Variants in FOXK2 observed in about 807,000 individuals in gnomAD.
The protein encoded by FOXK2 is forkhead box protein K2.
A neutral mutation model predicts 53.3 loss-of-function variants in FOXK2; 24 were observed. The observed-to-expected ratio is 0.45, with a 90% CI of 0.33 to 0.63. The LOEUF (loss-of-function observed/expected upper bound fraction) is 0.63, where lower values mean the gene tolerates loss of function less well. Among genes scored for constraint, FOXK2 ranks in the 30% least tolerant of loss-of-function variants. The pLI is 0.03. For missense variants in FOXK2, 952 were observed against 910.5 expected (o/e 1.05, Z -0.59); for synonymous variants, 505 against 407.1 (o/e 1.24, Z -2.89).
At chr17:82,544,486 T>G (rs72861057) in intron 1 of FOXK2, among the ~76,000 whole-genome samples, 2 of 152,068 alleles carry the variant, frequency 1.3e-5, no homozygotes, top group South Asian at 4.1e-4. Flanking sequence ...CAGAGCAGAC[T>G]GGATTTTACA....
chr17:82,588,312 T>A (rs2045215690), intron 8 of FOXK2: 1 of 153,412 alleles, frequency 6.5e-6, no homozygotes, highest in Non-Finnish European at 1.5e-5. Flanking sequence ...TCTCTCTGGG[T>A]AACTGTGGCT....
intron 6 of FOXK2, among the ~76,000 whole-genome samples, 200 bp downstream of exon 6, chr17:82,584,388 A>C (rs1009167379): frequency 6.6e-6 from 1 of 151,984 alleles, no homozygotes; most frequent in Admixed American, 6.6e-5. Flanking sequence ...TTTAAACGAC[A>C]CTGAGTAGAT....
chr17:82,584,720 A>G (rs59239557), intron 6 of FOXK2, among the ~76,000 whole-genome samples: 20,091 of 151,840 alleles, frequency 0.13, 1,494 homozygotes, highest in South Asian at 0.2. Context: ...TAATTTTTGT[A>G]TTTTTAGTAG....
chr17:82,563,027 G>A (rs1237774498), intron 1 of FOXK2, among the ~76,000 whole-genome samples: 1 of 151,984 alleles, frequency 6.6e-6, no homozygotes, highest in East Asian at 1.9e-4. Context: ...GGCTGGTCTT[G>A]ACCTCCTGGA....
intron 1 of FOXK2, among the ~76,000 whole-genome samples, chr17:82,530,776 T>C (rs1290567982): frequency 6.6e-6 from 1 of 152,176 alleles, no homozygotes; most frequent in Non-Finnish European, 1.5e-5. Context: ...TCCCAAAGTG[T>C]TGGGATCACA....
intron 1 of FOXK2, among the ~76,000 whole-genome samples, chr17:82,540,112 C>T (rs2044560200): frequency 6.6e-6 from 1 of 152,102 alleles, no homozygotes; most frequent in Admixed American, 6.6e-5. Flanking sequence ...GAAAACCTGT[C>T]TCTACTAAAA....
intron 8 of FOXK2, among the ~76,000 whole-genome samples, chr17:82,597,567 C>T (rs1179999431): frequency 6.6e-6 from 1 of 152,244 alleles, no homozygotes; most frequent in Non-Finnish European, 1.5e-5. Flanking sequence ...CATGTGGGGT[C>T]TCCACGTGGC....
chr17:82,567,073 G>A (rs937472020), intron 2 of FOXK2, among the ~76,000 whole-genome samples: 1 of 152,060 alleles, frequency 6.6e-6, no homozygotes. Flanking sequence ...CACTGCAGAG[G>A]GTACAAGGCC....
rs116723847 is a variant in FOXK2 at position 82,528,683 on chromosome 17, G to A, written c.419+8376G>A. ...AGACCAGAAAGTACCTCGTGCCAGA[G>A]CCACAGCCCCTGCGGCCCTGCTTTC... is the stretch of plus-strand genomic sequence containing the variant. On this transcript the variant is annotated intron_variant, in intron 1 of 8. Transcript: ENST00000335255. Among the ~76,000 whole-genome samples the A allele has an allele frequency of 5.2e-3, 795 of 152,320 alleles. 5 individuals carry two copies. Among genetic ancestry groups the A allele is most frequent in the African/African-American group, 0.018 (759 of 41,574 alleles).
chr17:82,540,234 T>A (rs949419166), intron 1 of FOXK2, among the ~76,000 whole-genome samples: 2 of 151,154 alleles, frequency 1.3e-5, no homozygotes, highest in Non-Finnish European at 2.9e-5. Flanking sequence ...TGAGCCGAGG[T>A]CATGCCATCG....
At chr17:82,550,216 A>C (rs974421864) in intron 1 of FOXK2, among the ~76,000 whole-genome samples, 1 of 152,142 alleles carries the variant, frequency 6.6e-6, no homozygotes, top group Admixed American at 6.5e-5. Flanking sequence ...ACACACACAC[A>C]AAGAGCTTCT....
At position 82,582,972 on chromosome 17, in the gene FOXK2, T is replaced by C. The variant is rs369161686; in HGVS notation, c.1103+38T>C. 9.2e-6 allele frequency: 13 copies of C among 1,410,026 alleles called. No individual in the cohort carries two copies. The African/African-American group carries it at 1.9e-4, about 21-fold the overall frequency. 87.3% of individuals were successfully genotyped at this position (1,410,026 alleles called of 1,614,324 possible). A position where few individuals can be genotyped will look rare whatever the true frequency, so the allele number is the denominator to read the frequency against. ...AAGAACAAAAGGCCTCACTTCGTGC[T>C]TACTAAACTTACCTTCAGTGTATTG... is the stretch of plus-strand genomic sequence containing the variant. On this transcript the variant is annotated intron_variant, in intron 5 of 8. Coordinates refer to ENST00000335255, the MANE Select transcript of FOXK2 (RefSeq NM_004514.4).
intron 1 of FOXK2, among the ~76,000 whole-genome samples, chr17:82,553,431 T>C (rs1002583319): frequency 2.6e-5 from 4 of 152,382 alleles, no homozygotes; most frequent in Admixed American, 2.6e-4. Flanking sequence ...TGGGACTGCC[T>C]GGGACCAGAC....
At chr17:82,536,440 G>T (rs2044521669) in intron 1 of FOXK2, among the ~76,000 whole-genome samples, 1 of 152,148 alleles carries the variant, frequency 6.6e-6, no homozygotes, top group African/African-American at 2.4e-5. Flanking sequence ...CTTGCCAAAG[G>T]ATATAGGGGC....
At chr17:82,569,544 A>T (rs1265654204) in intron 3 of FOXK2, among the ~76,000 whole-genome samples, 1 of 152,196 alleles carries the variant, frequency 6.6e-6, no homozygotes, top group South Asian at 2.1e-4. Context: ...TTGACCTAGT[A>T]TACTGATGTT....
At position 82,572,093 on chromosome 17, in the gene FOXK2, T is replaced by A. The variant is rs554598826; in HGVS notation, c.909+223T>A. On this transcript the variant is annotated intron_variant, in intron 4 of 8. Transcript: ENST00000335255. ...GTGGTTCTGGAGGAGCGTCTAGGCC[T>A]GCATGCTTTACTGTTGTGGAAATTC... The A allele has an allele frequency of 1.4e-3, 588 of 422,016 alleles. 2 individuals are homozygous for A. Among genetic ancestry groups the A allele is most frequent in the African/African-American group, 0.011 (536 of 48,886 alleles). 26.1% of individuals were successfully genotyped at this position (422,016 alleles called of 1,614,324 possible).
rs529794653 is a variant in FOXK2 at position 82,543,837 on chromosome 17, C to T, written c.420-19517C>T. Among the ~76,000 whole-genome samples, 19 of 146,624 alleles carry T rather than the reference C, an allele frequency of 1.3e-4. No individual in the cohort carries two copies. The East Asian group carries it at 2.4e-3, about 19-fold the overall frequency. ...TGTCACCCAGGCTGGAGTGCAGTGGCGCAATCTTGGCTCATTGCAAGCTCC... is the reference window on the plus strand; with the variant it reads ...TGTCACCCAGGCTGGAGTGCAGTGGTGCAATCTTGGCTCATTGCAAGCTCC... On this transcript the variant is annotated intron_variant, in intron 1 of 8. Transcript: ENST00000335255.
chr17:82,567,108 TC>T lies in FOXK2; in HGVS notation c.615-939del, dbSNP rs571821188. Among the ~76,000 whole-genome samples the T allele has an allele frequency of 6.3e-3, 959 of 151,748 alleles. 4 individuals are homozygous for T. Among genetic ancestry groups the T allele is most frequent in the Non-Finnish European group, 8.7e-3 (590 of 67,860 alleles). On this transcript the variant is annotated intron_variant, in intron 2 of 8. Transcript: ENST00000335255. ...CACTCGTGTGTTGCCCTTTCCCTCC[TC>T]CCCCCCACCTCTCCATCTCCCTGGC...
Position 82,520,015 on chromosome 17 carries a change from C to G in FOXK2, c.127C>G (p.Arg43Gly). Reference protein sequence around the residue: ...GGWAVARLEGREFEYLMKKRS... With the variant: ...GGWAVARLEGGEFEYLMKKRS... ...CTGGGCCGTGGCGCGCCTGGAGGGC[C>G]GCGAGTTCGAGTATCTGATGAAGAA... Residue 43 changes from arginine (R) to glycine (G), a missense_variant, in exon 1 of 9, where the codon CGC becomes GGC. Around this residue, in one of 5 missense-constraint regions of FOXK2, gnomAD observed 163 missense variants for 165.5 expected, o/e 0.98. Coordinates refer to ENST00000335255, the MANE Select transcript of FOXK2 (RefSeq NM_004514.4). 1 of 1,475,176 alleles carries G rather than the reference C, an allele frequency of 6.8e-7. No homozygotes were observed. 91.4% of individuals were successfully genotyped at this position (1,475,176 alleles called of 1,614,324 possible).
Sources: gnomAD v4.1 joint callset for allele counts (sites outside exome capture counted in the v4.1 genomes callset) on GRCh38, gnomAD v4.1.1 for gene constraint, gnomAD v4.1.1 regional missense constraint, MANE v1.5 for transcripts, NCBI Gene and HGNC (gene_info 2026-07-23, HGNC 2026-07-21) for gene names.